The following SLIT1 variants were observed in gnomAD, a reference collection of about 807,000 sequenced individuals.
SLIT1 encodes the protein slit homolog 1 protein.
In SLIT1, 66 loss-of-function variants were observed where a neutral mutation model predicts 186.1. The ratio of observed to expected loss-of-function variants is 0.35; its 90% CI spans 0.29 to 0.44. SLIT1 has a LOEUF of 0.44. SLIT1 is among the 20% of genes least tolerant of loss of function. The pLI, the probability that SLIT1 is intolerant of heterozygous loss-of-function variation, is 1.00. For missense variants in SLIT1, 1,638 were observed against 2,037.4 expected, an observed-to-expected ratio of 0.80 and a Z score of 3.77; for synonymous variants, 761 against 833.8, an observed-to-expected ratio of 0.91 and a Z score of 1.50.
intron 11 of SLIT1, chr10:97,057,904 G>T: frequency 1.4e-6 from 1 of 696,306 alleles, no homozygotes; most frequent in Non-Finnish European, 2.7e-6. Flanking sequence ...TGGGGAGGGG[G>T]GTTGTATGCC....
intron 4 of SLIT1, among the ~76,000 whole-genome samples, chr10:97,075,616 G>A (rs937252558): frequency 2.0e-5 from 3 of 152,224 alleles, no homozygotes; most frequent in East Asian, 1.9e-4. Context: ...GCACGGGGCA[G>A]CCTCACACGA....
intron 4 of SLIT1, among the ~76,000 whole-genome samples, chr10:97,111,582 A>G (rs1408182782): frequency 6.6e-6 from 1 of 152,226 alleles, no homozygotes; most frequent in Non-Finnish European, 1.5e-5. Context: ...CCTCTCAAAT[A>G]TTTATAGACA....
intron 22 of SLIT1, among the ~76,000 whole-genome samples, chr10:97,035,527 G>A (rs898929993): frequency 8.5e-5 from 13 of 152,216 alleles, no homozygotes; most frequent in African/African-American, 1.9e-4. Context: ...CTCTCGCACC[G>A]TGCCCTCCTC....
chr10:97,104,464 A>G (rs1272109900), intron 4 of SLIT1, among the ~76,000 whole-genome samples: 1 of 152,112 alleles, frequency 6.6e-6, no homozygotes. Flanking sequence ...TGCATGTAGT[A>G]AGTGTTCAAT....
chr10:97,137,982 T>C (rs1589407392), intron 4 of SLIT1, among the ~76,000 whole-genome samples: 1 of 152,346 alleles, frequency 6.6e-6, no homozygotes, highest in Non-Finnish European at 1.5e-5. Flanking sequence ...AGCAGAGCTA[T>C]TGGATTCCAG....
intron 4 of SLIT1, among the ~76,000 whole-genome samples, chr10:97,122,623 C>G (rs1000592895): frequency 1.3e-5 from 2 of 152,130 alleles, no homozygotes; most frequent in Non-Finnish European, 2.9e-5. Flanking sequence ...TACTCCGGGC[C>G]AAGAGAACAA....
intron 4 of SLIT1, among the ~76,000 whole-genome samples, chr10:97,076,444 T>A (rs1433324253): frequency 6.6e-6 from 1 of 152,132 alleles, no homozygotes; most frequent in Non-Finnish European, 1.5e-5. Flanking sequence ...CCCGCCTTTG[T>A]CTCTGCCGGT....
chr10:97,108,432 A>T (rs1441872186), intron 4 of SLIT1, among the ~76,000 whole-genome samples: 1 of 152,158 alleles, frequency 6.6e-6, no homozygotes, highest in Non-Finnish European at 1.5e-5. Context: ...CATGCTTTTA[A>T]CTTGTCCTTT....
At chr10:97,100,085 T>C (rs1849335233) in intron 4 of SLIT1, among the ~76,000 whole-genome samples, 1 of 152,216 alleles carries the variant, frequency 6.6e-6, no homozygotes, top group Non-Finnish European at 1.5e-5. Context: ...TGACATGATG[T>C]CACACGATTT....
Position 97,006,621 on chromosome 10 carries a change from G to A in SLIT1, c.3441C>T (p.Asn1147=). ...QNGANCVDQG[N]RPVCQCLPGF... ...CTGGGAGGCACTGGCACACAGGCCT[G>A]TTGCCCTGGTCCACACAGTTGGCCC... Residue 1147 remains asparagine, a synonymous_variant, in exon 32 of 37, where the codon AAC becomes AAT. Transcript: ENST00000266058. The surrounding 1 kb of genome is among the most constrained non-coding windows in gnomAD (Gnocchi z 4.0). The A allele has an allele frequency of 1.2e-6, 2 of 1,614,178 alleles. No homozygotes were observed. Among genetic ancestry groups the A allele is most frequent in the South Asian group, 1.1e-5 (1 of 91,082 alleles).
In SLIT1 at chr10:97,004,244, C is replaced by A. The variant is rs1269752627; in HGVS notation, c.3711-22G>T. 1 of 1,591,228 alleles carries A rather than the reference C, an allele frequency of 6.3e-7. No homozygotes were observed. The highest frequency in any genetic ancestry group is 8.6e-7 in the Non-Finnish European group (1 of 1,161,696). On this transcript the variant is annotated intron_variant, in intron 33 of 36. Transcript: ENST00000266058. The surrounding 1 kb of genome is among the most constrained non-coding windows in gnomAD (Gnocchi z 5.1). ...AGCACTGGAGGAAGAGGGGGTTCCC[C>A]GTTCCAGGGAGTGGGCATCAGTCTG...
chr10:97,053,273 G>C (rs939651168), intron 13 of SLIT1, among the ~76,000 whole-genome samples: 1 of 152,180 alleles, frequency 6.6e-6, no homozygotes, highest in Non-Finnish European at 1.5e-5. Context: ...GTTTCTCTCA[G>C]ACATTCTGCC....
intron 4 of SLIT1, among the ~76,000 whole-genome samples, chr10:97,147,272 G>A (rs1849827684): frequency 6.6e-6 from 1 of 152,164 alleles, no homozygotes; most frequent in Non-Finnish European, 1.5e-5. Context: ...CTGCAGGGAG[G>A]GGGATGAGGA....
At position 97,002,350 on chromosome 10, in the gene SLIT1, C is replaced by T. The variant is rs758291717; in HGVS notation, c.4174G>A (p.Val1392Met). 6 of 1,607,358 alleles carry T rather than the reference C, an allele frequency of 3.7e-6. No homozygotes were observed. Among genetic ancestry groups the T allele is most frequent in the African/African-American group, 1.3e-5 (1 of 74,786 alleles). ...CTGTAGGAAAGAGCGTCGAGGGGCA[C>T]GCATTGCCCATGGACACACCTGGAG... is the stretch of plus-strand genomic sequence containing the variant. ...HGHKCVHGQC[V>M]PLDALSYSCQ... Residue 1392 changes from valine to methionine, a missense_variant, in exon 36 of 37, where the codon GTG becomes ATG. Physicochemically the swap from Val to Met is conservative, Grantham distance 21. Transcript: ENST00000266058.
chr10:97,163,542 T>G, intron 2 of SLIT1, 91 bp from the exon 3 acceptor site: 2 of 1,051,280 alleles, frequency 1.9e-6, no homozygotes, highest in Non-Finnish European at 3.0e-6. Context: ...AGGCAACCTC[T>G]GCCAGGGCAG....
intron 22 of SLIT1, 36 bp from the exon 23 acceptor site, chr10:97,034,578 C>T: frequency 6.4e-7 from 1 of 1,562,852 alleles, no homozygotes; most frequent in Non-Finnish European, 8.8e-7. Context: ...TTAGAAAGAA[C>T]TCACTCAGCC....
At chr10:97,060,273 C>A in intron 9 of SLIT1, 115 bp from the exon 10 acceptor site, 1 of 834,214 alleles carries the variant, frequency 1.2e-6, no homozygotes, top group East Asian at 2.6e-5. Context: ...CCCCTGCTCC[C>A]TTCCCACTTC....
chr10:97,023,170 G>C (rs1441436970), intron 25 of SLIT1, among the ~76,000 whole-genome samples: 1 of 151,288 alleles, frequency 6.6e-6, no homozygotes, highest in Non-Finnish European at 1.5e-5. Flanking sequence ...TTGTACCTTA[G>C]CCTCCTGAGT....
chr10:97,141,715 C>CAT (rs1849764377), intron 4 of SLIT1, among the ~76,000 whole-genome samples: 2 of 110,290 alleles, frequency 1.8e-5, no homozygotes, highest in African/African-American at 7.8e-5. Flanking sequence ...TTGTATTGTA[C>CAT]TGTATTGTAT....
Sources: gnomAD v4.1 joint callset for allele counts (sites outside exome capture counted in the v4.1 genomes callset) on GRCh38, gnomAD v4.1.1 for gene constraint, Gnocchi (gnomAD v3.1) non-coding constraint, MANE v1.5 for transcripts, NCBI Gene and HGNC (gene_info 2026-07-23, HGNC 2026-07-21) for gene names.